PSG8: variants seen among roughly 807,000 people sequenced by gnomAD.
PSG8 encodes the protein pregnancy-specific beta-1-glycoprotein 8.
In PSG8, 57 loss-of-function variants were observed where a neutral mutation model predicts 42.5. The observed-to-expected ratio is 1.34, with a 90% CI of 1.08 to 1.67. PSG8 has a LOEUF of 1.67. Ranked by LOEUF, PSG8 falls within the 40% of genes most tolerant of loss-of-function variation. The pLI, the probability that PSG8 is intolerant of heterozygous loss-of-function variation, is 0.00. For synonymous variants in PSG8, 280 were observed against 196.8 expected, an observed-to-expected ratio of 1.42 and a Z score of -3.54; for missense variants, 783 against 518.6, an observed-to-expected ratio of 1.51 and a Z score of -4.95.
chr19:42,764,321 T>A, intron 1 of PSG8, 40 bp from the exon 2 acceptor site: 1 of 1,579,706 alleles, frequency 6.3e-7, no homozygotes, highest in Non-Finnish European at 8.6e-7. Context: ...TTGAGAGCTA[T>A]GTATTGGTGT....
intron 2 of PSG8, chr19:42,758,785 TCAG>T: frequency 5.9e-6 from 1 of 168,598 alleles, no homozygotes; most frequent in Non-Finnish European, 1.3e-5. Flanking sequence ...ACTGGGTACT[TCAG>T]CAGAAATAAC....
chr19:42,763,830 C>G, intron 2 of PSG8, 86 bp downstream of exon 2: 1 of 1,604,912 alleles, frequency 6.2e-7, no homozygotes, highest in Non-Finnish European at 8.5e-7. Context: ...GGGACACAGG[C>G]AATGTCCAGG....
At chr19:42,763,731 G>A (rs1347225000) in intron 2 of PSG8, 185 bp downstream of exon 2, 5 of 1,212,788 alleles carry the variant, frequency 4.1e-6, no homozygotes, top group Non-Finnish European at 4.8e-6. Flanking sequence ...CTGGATGCGG[G>A]AAAGGAATTC....
rs1428642332 is a variant in PSG8, at chr19:42,754,598, G to A, written c.989-11C>T. ...GGAGGTCTGGACCATCTGGAGCAAA[G>A]AGAATAAAGCCACAGGTGATGTCAT... is the stretch of plus-strand genomic sequence containing the variant. On this transcript the variant is annotated splice_polypyrimidine_tract_variant and intron_variant, in intron 4 of 4. Coordinates refer to ENST00000306511, the MANE Select transcript of PSG8 (RefSeq NM_182707.3). The A allele has an allele frequency of 1.2e-6, 2 of 1,608,804 alleles. No individual in the cohort carries two copies. Among genetic ancestry groups the A allele is most frequent in the East Asian group, 2.2e-5 (1 of 44,798 alleles).
At chr19:42,760,805 A>G (rs1377267878) in intron 2 of PSG8, among the ~76,000 whole-genome samples, 13 of 152,060 alleles carry the variant, frequency 8.5e-5, no homozygotes, top group Non-Finnish European at 1.5e-5. Flanking sequence ...GATGGTCTCT[A>G]TCTCCTGACC....
chr19:42,759,501 G>A (rs1201576381), intron 2 of PSG8, among the ~76,000 whole-genome samples: 3 of 152,082 alleles, frequency 2.0e-5, no homozygotes, highest in East Asian at 3.8e-4. Context: ...TGGAATATTT[G>A]CAGTACATGT....
intron 1 of PSG8, 74 bp downstream of exon 1, chr19:42,765,444 C>T (rs971499428): frequency 6.3e-6 from 10 of 1,591,282 alleles, no homozygotes; most frequent in Non-Finnish European, 8.6e-6. Flanking sequence ...TTTAGTACCC[C>T]ATACTCTCAA....
At chr19:42,761,628 C>G (rs968701309) in intron 2 of PSG8, among the ~76,000 whole-genome samples, 3 of 151,990 alleles carry the variant, frequency 2.0e-5, no homozygotes, top group African/African-American at 4.8e-5. Context: ...TTTCCCTCCG[C>G]CCACATGATT....
At chr19:42,760,216 G>A (rs760912529) in intron 2 of PSG8, among the ~76,000 whole-genome samples, 32 of 152,182 alleles carry the variant, frequency 2.1e-4, no homozygotes, top group African/African-American at 7.5e-4. Flanking sequence ...CTCCCCACAC[G>A]CAGAACTCCA....
chr19:42,753,817 G>A, downstream of PSG8: 1 of 436,836 alleles, frequency 2.3e-6, no homozygotes, highest in Non-Finnish European at 4.4e-6. Flanking sequence ...GTTACAAAGA[G>A]AGCAGATTGT....
intron 1 of PSG8, among the ~76,000 whole-genome samples, chr19:42,764,786 G>A (rs1476233693): frequency 6.6e-6 from 1 of 152,108 alleles, no homozygotes; most frequent in Non-Finnish European, 1.5e-5. Context: ...TGAGGACAGG[G>A]ATTTTTGTGA....
intron 2 of PSG8, among the ~76,000 whole-genome samples, chr19:42,760,462 C>G (rs1195470242): frequency 2.0e-5 from 3 of 152,164 alleles, no homozygotes; most frequent in African/African-American, 4.8e-5. Flanking sequence ...TTACCCCACT[C>G]TTTTTGAACT....
intron 3 of PSG8, 53 bp from the exon 4 acceptor site, chr19:42,755,319 A>T: frequency 6.3e-7 from 1 of 1,589,890 alleles, no homozygotes; most frequent in Non-Finnish European, 8.6e-7. Flanking sequence ...TGATTCCTCC[A>T]CAGGCATCCT....
intron 2 of PSG8, among the ~76,000 whole-genome samples, chr19:42,760,352 A>ATG: frequency 6.6e-6 from 1 of 152,190 alleles, no homozygotes; most frequent in Non-Finnish European, 1.5e-5. Flanking sequence ...CATTACATGT[A>ATG]TGTTACAGCC....
At chr19:42,761,232 T>A (rs187220137) in intron 2 of PSG8, among the ~76,000 whole-genome samples, 1 of 152,266 alleles carries the variant, frequency 6.6e-6, no homozygotes, top group African/African-American at 2.4e-5. Flanking sequence ...TTGGGAGGAA[T>A]TTAGTTTATG....
At chr19:42,762,160 G>T (rs904405407) in intron 2 of PSG8, among the ~76,000 whole-genome samples, 16 of 151,728 alleles carry the variant, frequency 1.1e-4, no homozygotes, top group East Asian at 5.8e-4. Flanking sequence ...AGGCCTAGGG[G>T]TGGGGGAAGA....
chr19:42,754,650 C>T (rs1451882657), intron 4 of PSG8, 63 bp from the exon 5 acceptor site: 14 of 1,543,878 alleles, frequency 9.1e-6, no homozygotes, highest in Non-Finnish European at 1.2e-5. Context: ...TTCCTGGTCT[C>T]TTAAAGGGAC....
chr19:42,759,897 A>G (rs1194002221), intron 2 of PSG8, among the ~76,000 whole-genome samples: 1 of 152,182 alleles, frequency 6.6e-6, no homozygotes. Flanking sequence ...AAAGATGCCA[A>G]TGGTGATTTG....
At position 42,758,036 on chromosome 19, in the gene PSG8, G is replaced by A; in HGVS notation, c.675C>T (p.Ala225=). 1 of 1,614,040 alleles carries A rather than the reference G, an allele frequency of 6.2e-7. No homozygotes were observed. The highest frequency in any genetic ancestry group is 8.5e-7 in the Non-Finnish European group (1 of 1,179,958). The change falls in exon 3 of 5, where the codon GCC becomes GCT. Residue 225 remains alanine, a synonymous_variant. Coordinates refer to ENST00000306511, the MANE Select transcript of PSG8 (RefSeq NM_182707.3). The part of the protein sequence containing the change: ...YECEIRNPVS[A]SRSDPFTLNL... ...TCAGGGTGAATGGGTCACTGCGGCT[G>A]GCACTCACTGGGTTCCGTATTTCAC...
Sources: allele counts gnomAD v4.1 joint callset (sites outside exome capture counted in the v4.1 genomes callset), GRCh38; gene constraint gnomAD v4.1.1; transcripts MANE v1.5; gene names NCBI Gene and HGNC (gene_info 2026-07-23, HGNC 2026-07-21).